The following HUNK variants were observed in gnomAD, a reference collection of about 807,000 sequenced individuals.
HUNK encodes hormonally up-regulated Neu-associated kinase, also known as hormonally up-regulated neu tumor-associated kinase.
In HUNK, 21 loss-of-function variants were observed where a neutral mutation model predicts 61.0. The ratio of observed to expected loss-of-function variants is 0.34; its 90% CI spans 0.24 to 0.50. The LOEUF is 0.50. Among genes scored for constraint, HUNK ranks in the 20% least tolerant of loss-of-function variants. HUNK has a pLI of 0.98. For synonymous variants in HUNK, 371 were observed against 386.1 expected (o/e 0.96, Z 0.46); for missense variants, 772 against 945.7 (o/e 0.82, Z 2.41).
chr21:31,971,407 A>G (rs993312183), intron 6 of HUNK, among the ~76,000 whole-genome samples: 1 of 152,168 alleles, frequency 6.6e-6, no homozygotes, highest in Non-Finnish European at 1.5e-5. Context: ...TGGGGGAGGT[A>G]CATGTTATTT....
intron 8 of HUNK, among the ~76,000 whole-genome samples, chr21:31,986,759 C>T (rs140252355): frequency 3.3e-4 from 50 of 152,256 alleles, no homozygotes; most frequent in African/African-American, 1.2e-3. Flanking sequence ...GAGTGTTTTC[C>T]CTGCTCCTCT....
chr21:31,908,086 A>G (rs1233095144), intron 1 of HUNK, among the ~76,000 whole-genome samples: 1 of 152,206 alleles, frequency 6.6e-6, no homozygotes, highest in Admixed American at 6.5e-5. Context: ...CTTAAGGAGT[A>G]TGTGTCTCAC....
chr21:31,999,351 C>T lies in HUNK; in HGVS notation c.*167C>T, dbSNP rs114191387. The T allele has an allele frequency of 2.6e-3, 1,580 of 597,066 alleles. 19 individuals carry two copies. Among genetic ancestry groups the T allele is most frequent in the African/African-American group, 0.025 (1,346 of 53,982 alleles). The allele number at this position is 597,066 out of a possible 1,614,324, so 37.0% of individuals were successfully genotyped here. Reference sequence around the variant, plus strand: ...TGCACAACCCAACCTCGCTTAGGGACCCCCAGAGATGCTGGAATCGCTAGG... The same window carrying T: ...TGCACAACCCAACCTCGCTTAGGGATCCCCAGAGATGCTGGAATCGCTAGG... On this transcript the variant is annotated 3_prime_UTR_variant, in exon 11 of 11. Transcript: ENST00000270112.
chr21:31,992,656 A>T (rs2123255362), intron 9 of HUNK, among the ~76,000 whole-genome samples: 1 of 152,308 alleles, frequency 6.6e-6, no homozygotes, highest in East Asian at 1.9e-4. Flanking sequence ...TTGCCGTGTG[A>T]GGAGCTTGCA....
intron 1 of HUNK, among the ~76,000 whole-genome samples, chr21:31,903,193 T>C (rs2052481094): frequency 6.6e-6 from 1 of 152,092 alleles, no homozygotes; most frequent in Non-Finnish European, 1.5e-5. Context: ...AATCATAAAC[T>C]GAGAATAATA....
chr21:31,974,958 G>A (rs777063929), intron 7 of HUNK, among the ~76,000 whole-genome samples: 2 of 151,500 alleles, frequency 1.3e-5, no homozygotes, highest in African/African-American at 4.9e-5. Flanking sequence ...ATTGGGAGGG[G>A]TTCAAGCCTC....
chr21:31,978,401 A>C (rs573018282), intron 7 of HUNK, among the ~76,000 whole-genome samples: 1 of 152,312 alleles, frequency 6.6e-6, no homozygotes, highest in South Asian at 2.1e-4. Context: ...TAGTCACCAC[A>C]TTGTTCAATC....
rs775112603 is a variant in HUNK at position 31,924,452 on chromosome 21, C to A, written c.262-16C>A. 1 of 1,607,024 alleles carries A rather than the reference C, an allele frequency of 6.2e-7. No individual in the cohort carries two copies. The highest frequency in any genetic ancestry group is 8.5e-7 in the Non-Finnish European group (1 of 1,176,948). Reference sequence around the variant, plus strand: ...TGTAATGTCTGATAACAGGCATGTTCTTGTTTTCTCCTTAGGTGGCCATAA... The same window carrying A: ...TGTAATGTCTGATAACAGGCATGTTATTGTTTTCTCCTTAGGTGGCCATAA... On this transcript the variant is annotated splice_polypyrimidine_tract_variant and intron_variant, in intron 1 of 10. Coordinates refer to ENST00000270112, the MANE Select transcript of HUNK (RefSeq NM_014586.2). The surrounding 1 kb of genome is among the most constrained non-coding windows in gnomAD (Gnocchi z 5.1).
In HUNK at chr21:31,900,831, C is replaced by T. The variant is rs201824891; in HGVS notation, c.262-23637C>T. On this transcript the variant is annotated intron_variant, in intron 1 of 10. Transcript: ENST00000270112. ...AGATGCCTGTAGCCCTTGAGTACTG[C>T]ATTCGTTTCCTGGGGCTGCCATGAC... 2.7e-4 allele frequency among the ~76,000 whole-genome samples: 41 copies of T among 152,318 alleles called. No homozygotes were observed. In the East Asian group the frequency reaches 6.7e-3, roughly 25 times the overall value.
At chr21:31,976,577 C>T (rs765044080) in intron 7 of HUNK, among the ~76,000 whole-genome samples, 12 of 146,796 alleles carry the variant, frequency 8.2e-5, no homozygotes, top group Middle Eastern at 3.7e-3. Context: ...AGTGATTCTC[C>T]TGCCTCAGCC....
At chr21:31,992,280 A>G (rs2053176683) in intron 9 of HUNK, among the ~76,000 whole-genome samples, 1 of 152,182 alleles carries the variant, frequency 6.6e-6, no homozygotes. Context: ...GAGGCTAAGG[A>G]TGGGTTTCCC....
Position 31,946,185 on chromosome 21 carries a change from C to G in HUNK, c.746+14C>G. The G allele has an allele frequency of 6.2e-7, 1 of 1,604,120 alleles. No individual in the cohort carries two copies. The highest frequency in any genetic ancestry group is 8.5e-7 in the Non-Finnish European group (1 of 1,171,772). On this transcript the variant is annotated intron_variant, in intron 4 of 10. Transcript: ENST00000270112. ...TGTCTGGTCCATGTGAGTTATCAAG[C>G]TTCTGAAAGTCAGTGTTCCTCCTGC...
At position 31,940,143 on chromosome 21, in the gene HUNK, T is replaced by C. The variant is rs112620195; in HGVS notation, c.555-22T>C. ...TATTTCGAATGCTTATCTGAAATGC[T>C]GTGTGGTTTTGTTTATTTCAGAGAC... On this transcript the variant is annotated intron_variant, in intron 2 of 10. Transcript: ENST00000270112. 9 of 1,560,924 alleles carry C rather than the reference T, an allele frequency of 5.8e-6. No homozygotes were observed. In the African/African-American group the frequency reaches 1.1e-4, roughly 19 times the overall value.
intron 8 of HUNK, among the ~76,000 whole-genome samples, chr21:31,984,675 G>T (rs1339703226): frequency 6.6e-6 from 1 of 152,232 alleles, no homozygotes; most frequent in Non-Finnish European, 1.5e-5. Context: ...GGGGCCAGGA[G>T]TGGGGTGCAG....
Position 31,873,961 on chromosome 21 carries a change from T to C in HUNK, c.261+26T>C. ...GTGAGTCTCCCGGGCGCCGTGGGGC[T>C]GGGGCACAGGGGCGGGAGTCGGCGG... On this transcript the variant is annotated intron_variant, in intron 1 of 10. Coordinates refer to ENST00000270112, the MANE Select transcript of HUNK (RefSeq NM_014586.2). This position sits in a 1 kb window ranked among gnomAD's most constrained non-coding sequence, Gnocchi z 6.1. 1.4e-6 allele frequency: 2 copies of C among 1,461,412 alleles called. No individual in the cohort carries two copies. The highest frequency in any genetic ancestry group is 1.8e-6 in the Non-Finnish European group (2 of 1,104,282). 90.5% of individuals were successfully genotyped at this position (1,461,412 alleles called of 1,614,324 possible).
At chr21:31,991,842 C>T (rs146479601) in intron 9 of HUNK, among the ~76,000 whole-genome samples, 163 of 152,358 alleles carry the variant, frequency 1.1e-3, no homozygotes, top group African/African-American at 3.4e-3. Context: ...GCCATCCATC[C>T]TCCGGCCTGG....
At chr21:31,921,478 G>A (rs75372443) in intron 1 of HUNK, among the ~76,000 whole-genome samples, 8,908 of 152,086 alleles carry the variant, frequency 0.059, 367 homozygotes, top group Middle Eastern at 0.13. Flanking sequence ...AGTACCTGGA[G>A]AGTGATAGAA....
rs377609544 is a variant in HUNK, at chr21:31,890,429, A to G, written c.261+16494A>G. 6.6e-5 allele frequency among the ~76,000 whole-genome samples: 10 copies of G among 152,176 alleles called. No homozygotes were observed. The East Asian group carries it at 1.9e-3, about 29-fold the overall frequency. On this transcript the variant is annotated intron_variant, in intron 1 of 10. Coordinates refer to ENST00000270112, the MANE Select transcript of HUNK (RefSeq NM_014586.2). ...TTTTTAGTAGAGACGGGATTTCACC[A>G]TGTTGGTCAGGCTGGTCTCGAACTC...
At chr21:31,938,495 TA>T (rs145606354) in intron 2 of HUNK, among the ~76,000 whole-genome samples, 6,252 of 152,338 alleles carry the variant, frequency 0.041, 159 homozygotes, top group Middle Eastern at 0.12. Context: ...CTGTCCCCGT[TA>T]AGTGGGGCAC....
Sources: gnomAD v4.1 joint callset for allele counts (sites outside exome capture counted in the v4.1 genomes callset) on GRCh38, gnomAD v4.1.1 for gene constraint, Gnocchi (gnomAD v3.1) non-coding constraint, MANE v1.5 for transcripts, NCBI Gene and HGNC (gene_info 2026-07-23, HGNC 2026-07-21) for gene names.